TLL1: variants seen among roughly 807,000 people sequenced by gnomAD.
The protein encoded by TLL1 is tolloid like 1.
TLL1 carries 49 observed loss-of-function variants against 128.2 expected under a neutral mutation model. The observed-to-expected ratio is 0.38, with a 90% CI of 0.30 to 0.48. The LOEUF (loss-of-function observed/expected upper bound fraction) is 0.48, where lower values mean the gene tolerates loss of function less well. Among genes scored for constraint, TLL1 ranks in the 20% least tolerant of loss-of-function variants. The pLI is 0.96. For synonymous variants in TLL1, 454 were observed against 418.8 expected, an observed-to-expected ratio of 1.08 and a Z score of -1.03; for missense variants, 1,123 against 1,242.0, an observed-to-expected ratio of 0.90 and a Z score of 1.44.
intron 1 of TLL1, among the ~76,000 whole-genome samples, chr4:165,883,676 G>A (rs1003168386): frequency 6.6e-6 from 1 of 152,132 alleles, no homozygotes; most frequent in Non-Finnish European, 1.5e-5. Context: ...CTACTTATTT[G>A]TGGAGAGATG....
chr4:166,041,369 C>A (rs1371410549), intron 10 of TLL1, among the ~76,000 whole-genome samples: 1 of 149,698 alleles, frequency 6.7e-6, no homozygotes, highest in Admixed American at 6.7e-5. Context: ...GGTGCCATCT[C>A]GGCTCACTGC....
intron 20 of TLL1, among the ~76,000 whole-genome samples, chr4:166,100,478 G>T (rs1352766373): frequency 6.6e-6 from 1 of 152,016 alleles, no homozygotes; most frequent in African/African-American, 2.4e-5. Flanking sequence ...AGAGAAAAGT[G>T]CCCAGAACTT....
At chr4:166,060,703 G>C (rs79406333) in intron 15 of TLL1, among the ~76,000 whole-genome samples, 6,292 of 152,190 alleles carry the variant, frequency 0.041, 193 homozygotes, top group African/African-American at 0.066. Context: ...TTTTAATGCA[G>C]AATATAGCTT....
chr4:165,922,310 G>T (rs1011638655), intron 1 of TLL1, among the ~76,000 whole-genome samples: 1 of 152,136 alleles, frequency 6.6e-6, no homozygotes, highest in Non-Finnish European at 1.5e-5. Flanking sequence ...CTTTGTTATT[G>T]GTTGGTTGTT....
At chr4:165,996,085 T>G (rs181752095) in intron 5 of TLL1, among the ~76,000 whole-genome samples, 230 of 152,284 alleles carry the variant, frequency 1.5e-3, no homozygotes, top group African/African-American at 5.2e-3. Flanking sequence ...TGCCTTTACC[T>G]TCCTTTTCTT....
At chr4:165,874,141 C>G in intron 1 of TLL1, 68 bp downstream of exon 1, 1 of 1,582,986 alleles carries the variant, frequency 6.3e-7, no homozygotes, top group Non-Finnish European at 8.7e-7. Flanking sequence ...CCATGGGTGG[C>G]GGTGGGAGCT....
chr4:166,057,327 C>G lies in TLL1; in HGVS notation c.1846+18C>G. The G allele has an allele frequency of 6.2e-7, 1 of 1,613,502 alleles. No individual in the cohort carries two copies. Among genetic ancestry groups the G allele is most frequent in the Non-Finnish European group, 8.5e-7 (1 of 1,179,836 alleles). ...CTGTGAAGGTATGACTGCACTCCTTCCTGGACCCCCACCCCCCACAATTAT... is the reference window on the plus strand; with the variant it reads ...CTGTGAAGGTATGACTGCACTCCTTGCTGGACCCCCACCCCCCACAATTAT... On this transcript the variant is annotated intron_variant, in intron 14 of 20. Coordinates refer to ENST00000061240, the MANE Select transcript of TLL1 (RefSeq NM_012464.5).
In TLL1 at chr4:165,989,431, C is replaced by A. The variant is rs1188614553; in HGVS notation, c.220C>A (p.Gln74Lys). ...AGATGATGAAGACTTAAATATCTTTCAAATAGATAGGACAATTGACCTTAC... is the reference window on the plus strand; with the variant it reads ...AGATGATGAAGACTTAAATATCTTTAAAATAGATAGGACAATTGACCTTAC... Reference protein sequence around the residue: ...ALDDEDLNIFQIDRTIDLTQN... With the variant: ...ALDDEDLNIFKIDRTIDLTQN... The change falls in exon 2 of 21, where the codon CAA (glutamine) becomes AAA (lysine). Residue 74 changes from glutamine to lysine, a missense_variant. By Grantham distance (53) the Gln-to-Lys change is moderately conservative (BLOSUM62 1). Around this residue, in one of 3 missense-constraint regions of TLL1, gnomAD observed 480 missense variants for 542.4 expected, o/e 0.89. Coordinates refer to ENST00000061240, the MANE Select transcript of TLL1 (RefSeq NM_012464.5). The A allele has an allele frequency of 6.2e-7, 1 of 1,612,806 alleles. No homozygotes were observed. Among genetic ancestry groups the A allele is most frequent in the Admixed American group, 1.7e-5 (1 of 59,858 alleles).
chr4:165,980,845 A>G (rs1246772353), intron 1 of TLL1, among the ~76,000 whole-genome samples: 2 of 152,136 alleles, frequency 1.3e-5, no homozygotes, highest in Non-Finnish European at 2.9e-5. Context: ...GACACAAAAT[A>G]TAAGTTCAAT....
intron 1 of TLL1, among the ~76,000 whole-genome samples, chr4:165,950,522 GTAAAAAATATCTAAGT>G (rs1465650888): frequency 6.6e-6 from 1 of 151,950 alleles, no homozygotes; most frequent in Non-Finnish European, 1.5e-5. Flanking sequence ...AACATTGTTT[GTAAAAAATATCTAAGT>G]TAAAAAATCG....
At chr4:165,981,986 A>C (rs1365062107) in intron 1 of TLL1, among the ~76,000 whole-genome samples, 2 of 152,028 alleles carry the variant, frequency 1.3e-5, no homozygotes, top group Non-Finnish European at 2.9e-5. Flanking sequence ...ACTCTTAGAC[A>C]AACGATGTTT....
chr4:166,044,523 AT>A lies in TLL1; in HGVS notation c.1524+1105del. ...TATTTCCTTTTGTTACCAAAAAAAT[AT>A]ATACTTTCTACTTTAATCATTATGT... On this transcript the variant is annotated intron_variant, in intron 12 of 20. Transcript: ENST00000061240. 4 of 1,104,568 alleles carry A rather than the reference AT, an allele frequency of 3.6e-6. No homozygotes were observed. In the South Asian group the frequency reaches 5.8e-5, roughly 16 times the overall value. 68.4% of individuals were successfully genotyped at this position (1,104,568 alleles called of 1,614,324 possible). A position where few individuals can be genotyped will look rare whatever the true frequency, so the allele number is the denominator to read the frequency against.
At position 165,947,225 on chromosome 4, in the gene TLL1, C is replaced by T. The variant is rs72972244; in HGVS notation, c.170-42156C>T. On this transcript the variant is annotated intron_variant, in intron 1 of 20. Transcript: ENST00000061240. ...TGTGTGAGCTGGTGGGGACAGGGTG[C>T]TCCCGGATGTTTCTTCTTTTGAGGA... Among the ~76,000 whole-genome samples the T allele has an allele frequency of 6.5e-3, 991 of 152,048 alleles. 9 individuals carry two copies. Among genetic ancestry groups the T allele is most frequent in the African/African-American group, 0.023 (952 of 41,486 alleles).
intron 7 of TLL1, among the ~76,000 whole-genome samples, chr4:166,009,867 G>A (rs2111044083): frequency 6.6e-6 from 1 of 151,158 alleles, no homozygotes; most frequent in South Asian, 2.1e-4. Flanking sequence ...ACCATTTTAG[G>A]CATACAAGTC....
At chr4:166,079,544 T>C (rs1741193458) in intron 18 of TLL1, among the ~76,000 whole-genome samples, 1 of 152,092 alleles carries the variant, frequency 6.6e-6, no homozygotes, top group South Asian at 2.1e-4. Context: ...CTTTTTCCTA[T>C]GGCTGCCTTC....
At chr4:166,037,341 TAATC>T (rs1217167966) in intron 9 of TLL1, among the ~76,000 whole-genome samples, 3 of 152,220 alleles carry the variant, frequency 2.0e-5, no homozygotes, top group Non-Finnish European at 4.4e-5. Flanking sequence ...AGCATTTTGA[TAATC>T]AAGTGTTGAG....
Position 165,873,728 on chromosome 4 carries a change from C to T in TLL1, c.-177C>T. On this transcript the variant is annotated 5_prime_UTR_variant, in exon 1 of 21. Coordinates refer to ENST00000061240, the MANE Select transcript of TLL1 (RefSeq NM_012464.5). ...GACTGGGGGTAACAGGCAGTGCTTGCCCTCTCTACTGTCCCGGCGGCATCC... is the reference window on the plus strand; with the variant it reads ...GACTGGGGGTAACAGGCAGTGCTTGTCCTCTCTACTGTCCCGGCGGCATCC... 1.6e-6 allele frequency: 1 copy of T among 637,438 alleles called. No individual in the cohort carries two copies. The highest frequency in any genetic ancestry group is 2.7e-6 in the Non-Finnish European group (1 of 365,658). 39.5% of individuals were successfully genotyped at this position (637,438 alleles called of 1,614,324 possible).
intron 14 of TLL1, among the ~76,000 whole-genome samples, chr4:166,059,324 C>T (rs1023066542): frequency 7.2e-5 from 11 of 152,042 alleles, no homozygotes; most frequent in Admixed American, 2.0e-4. Context: ...GTTCTTTTTA[C>T]TCAGCTTGCT....
At chr4:165,941,182 A>G (rs1000407832) in intron 1 of TLL1, among the ~76,000 whole-genome samples, 5 of 151,990 alleles carry the variant, frequency 3.3e-5, no homozygotes, top group African/African-American at 1.2e-4. Flanking sequence ...GACTCGCGCT[A>G]TTGCCTTTAC....
Sources: allele counts gnomAD v4.1 joint callset (sites outside exome capture counted in the v4.1 genomes callset), GRCh38; gene constraint gnomAD v4.1.1; regional missense constraint gnomAD v4.1.1; transcripts MANE v1.5; gene names NCBI Gene and HGNC (gene_info 2026-07-23, HGNC 2026-07-21).